The following MROH7 variants were observed in gnomAD, a reference collection of about 807,000 sequenced individuals.
The protein encoded by MROH7 is maestro heat-like repeat-containing protein family member 7.
A neutral mutation model predicts 129.2 loss-of-function variants in MROH7; 113 were observed. The observed-to-expected ratio is 0.87, with a 90% CI of 0.75 to 1.02. The LOEUF (loss-of-function observed/expected upper bound fraction) is 1.02. MROH7 is among the 50% of genes least tolerant of loss of function. The pLI, the probability that MROH7 is intolerant of heterozygous loss-of-function variation, is 0.00. For missense variants in MROH7, 1,601 were observed against 1,671.3 expected (o/e 0.96, Z 0.73); for synonymous variants, 655 against 667.9 (o/e 0.98, Z 0.30).
At chr1:54,692,808 T>C (rs990683748) in intron 16 of MROH7, among the ~76,000 whole-genome samples, 6 of 152,184 alleles carry the variant, frequency 3.9e-5, no homozygotes, top group African/African-American at 1.4e-4. Flanking sequence ...AAAGCACCAT[T>C]CCTTAGTGCA....
At chr1:54,708,402 G>T (rs1347111805) in intron 22 of MROH7, among the ~76,000 whole-genome samples, 1 of 147,354 alleles carries the variant, frequency 6.8e-6, no homozygotes, top group African/African-American at 2.6e-5. Flanking sequence ...ACTCCAGTCT[G>T]GGCAACACTG....
intron 4 of MROH7, among the ~76,000 whole-genome samples, chr1:54,666,425 A>ATTTT (rs71048704): frequency 0.21 from 14,467 of 69,066 alleles, 1,910 homozygotes; most frequent in South Asian, 0.35. Context: ...GAGAAGAGGA[A>ATTTT]TTTTTTTTTT....
chr1:54,656,409 C>G (rs1315997677), intron 3 of MROH7, among the ~76,000 whole-genome samples: 1 of 144,550 alleles, frequency 6.9e-6, no homozygotes, highest in African/African-American at 2.6e-5. Flanking sequence ...ACTTGGGAGG[C>G]TGAGGCAGGA....
chr1:54,661,905 T>G (rs1403381780), intron 3 of MROH7, among the ~76,000 whole-genome samples: 1 of 152,056 alleles, frequency 6.6e-6, no homozygotes, highest in African/African-American at 2.4e-5. Flanking sequence ...CTTAAAAATA[T>G]TTTTTAAATG....
At chr1:54,690,438 G>GT (rs755023511) in intron 15 of MROH7, among the ~76,000 whole-genome samples, 299 of 143,974 alleles carry the variant, frequency 2.1e-3, no homozygotes, top group Middle Eastern at 3.6e-3. Context: ...AAGTTCAGAA[G>GT]TTTTTTTTTT....
chr1:54,677,096 C>T (rs1644993922), intron 10 of MROH7, among the ~76,000 whole-genome samples: 1 of 151,850 alleles, frequency 6.6e-6, no homozygotes, highest in African/African-American at 2.4e-5. Context: ...CTGCCTCGGC[C>T]TCCAAAGTGC....
At chr1:54,654,409 C>T (rs112703407) in intron 3 of MROH7, among the ~76,000 whole-genome samples, 10 of 152,328 alleles carry the variant, frequency 6.6e-5, no homozygotes, top group African/African-American at 1.9e-4. Context: ...CAGTGGCTCA[C>T]GCCTGTAATC....
intron 3 of MROH7, among the ~76,000 whole-genome samples, chr1:54,655,337 G>A (rs1644627322): frequency 6.6e-6 from 1 of 151,694 alleles, no homozygotes; most frequent in African/African-American, 2.4e-5. Flanking sequence ...AAATTGTTCT[G>A]AAAATCAACT....
Position 54,690,048 on chromosome 1 carries a change from TGCA to T in MROH7, c.2712-2374_2712-2372del, listed in dbSNP as rs141308850. ...TCAATCATTGGCTCTGGTGTCCCAG[TGCA>T]GGGACAGAGAATAAATATTTCAAGG... On this transcript the variant is annotated intron_variant, in intron 15 of 23. Coordinates refer to ENST00000421030, the MANE Select transcript of MROH7 (RefSeq NM_001039464.4). Among the ~76,000 whole-genome samples, 1,003 of 152,276 alleles carry T rather than the reference TGCA, an allele frequency of 6.6e-3. 17 individuals carry two copies. Among genetic ancestry groups the T allele is most frequent in the African/African-American group, 0.023 (966 of 41,542 alleles).
intron 7 of MROH7, among the ~76,000 whole-genome samples, chr1:54,672,176 G>A (rs2101111469): frequency 6.6e-6 from 1 of 152,118 alleles, no homozygotes; most frequent in Admixed American, 6.6e-5. Flanking sequence ...AAAAAAGGAG[G>A]CCGCCCTCTT....
At chr1:54,699,241 C>A (rs1273635040) in intron 17 of MROH7, 1 of 144,288 alleles carries the variant, frequency 6.9e-6, no homozygotes, top group East Asian at 2.0e-4. Context: ...TTCCTTCTTT[C>A]CCCTTTCCTT....
chr1:54,706,477 A>G lies in MROH7; in HGVS notation c.3607A>G (p.Ser1203Gly). Residue 1203 changes from serine (S) to glycine (G), a missense_variant, in exon 22 of 24, where the codon AGC (serine) becomes GGC (glycine). Transcript: ENST00000421030. ...CAGCGCCTTCATATTCCTCAGCCAGAGCCTGGAGTATGCCAAGAACTCACG... is the reference window on the plus strand; with the variant it reads ...CAGCGCCTTCATATTCCTCAGCCAGGGCCTGGAGTATGCCAAGAACTCACG... ...RDSAFIFLSQ[S>G]LEYAKNSRAS... 1 of 1,612,872 alleles carries G rather than the reference A, an allele frequency of 6.2e-7. No homozygotes were observed. Among genetic ancestry groups the G allele is most frequent in the Non-Finnish European group, 8.5e-7 (1 of 1,179,854 alleles).
At chr1:54,670,738 C>G (rs948010912) in intron 6 of MROH7, 62 bp from the exon 7 acceptor site, 5 of 1,593,222 alleles carry the variant, frequency 3.1e-6, no homozygotes, top group Non-Finnish European at 4.3e-6. Context: ...CAGCTCAGCC[C>G]CCGTCTATAG....
At position 54,682,793 on chromosome 1, in the gene MROH7, C is replaced by T. The variant is rs772042102; in HGVS notation, c.2519C>T (p.Ala840Val). 23 of 1,610,054 alleles carry T rather than the reference C, an allele frequency of 1.4e-5. No individual in the cohort carries two copies. Among genetic ancestry groups the T allele is most frequent in the South Asian group, 5.5e-5 (5 of 90,842 alleles). The change falls in exon 14 of 24, where the codon GCG (alanine) becomes GTG (valine). Residue 840 changes from alanine to valine, a missense_variant and splice_region_variant. Transcript: ENST00000421030. ...KEGRASIVPL[A>V]AASGLCELLS... ...GGCCGGGCTTCCATCGTGCCCCTGGCGGTGAGCACCCAGTCAGCCAGCCCC... is the reference window on the plus strand; with the variant it reads ...GGCCGGGCTTCCATCGTGCCCCTGGTGGTGAGCACCCAGTCAGCCAGCCCC...
At chr1:54,670,416 TC>T in intron 5 of MROH7, 80 bp from the exon 6 acceptor site, 1 of 1,239,502 alleles carries the variant, frequency 8.1e-7, no homozygotes, top group Middle Eastern at 2.0e-4. Flanking sequence ...TGTGACCTGC[TC>T]CTTGTGACGG....
chr1:54,675,972 G>A (rs1005735771), intron 10 of MROH7, among the ~76,000 whole-genome samples: 4 of 151,414 alleles, frequency 2.6e-5, no homozygotes, highest in Non-Finnish European at 5.9e-5. Context: ...AAGAAAGAAA[G>A]GAAAATGAGT....
In MROH7 at chr1:54,703,333, G is replaced by A. The variant is rs114797293; in HGVS notation, c.3564+588G>A. ...AGATCCCTGCCTCAAGGGCCACACT[G>A]GCTCCTTTTCTACAACATCAATTCC... On this transcript the variant is annotated intron_variant, in intron 21 of 23. Transcript: ENST00000421030. This position sits in a 1 kb window ranked among gnomAD's most constrained non-coding sequence, Gnocchi z 4.4. Among the ~76,000 whole-genome samples, 839 of 152,246 alleles carry A rather than the reference G, an allele frequency of 5.5e-3. 6 individuals carry two copies. Among genetic ancestry groups the A allele is most frequent in the African/African-American group, 0.018 (734 of 41,522 alleles).
chr1:54,646,026 A>G (rs147650065), intron 1 of MROH7, among the ~76,000 whole-genome samples: 3 of 152,320 alleles, frequency 2.0e-5, no homozygotes, highest in Non-Finnish European at 2.9e-5. Flanking sequence ...CCCGGTCTCC[A>G]GTGATATTTA....
At chr1:54,674,515 G>C (rs1221144864) in intron 10 of MROH7, among the ~76,000 whole-genome samples, 1 of 152,148 alleles carries the variant, frequency 6.6e-6, no homozygotes, top group Non-Finnish European at 1.5e-5. Flanking sequence ...TATGAGGGAA[G>C]GGCAGGGCTG....
Sources: allele counts gnomAD v4.1 joint callset (sites outside exome capture counted in the v4.1 genomes callset), GRCh38; gene constraint gnomAD v4.1.1; non-coding constraint Gnocchi (gnomAD v3.1); transcripts MANE v1.5; gene names NCBI Gene and HGNC (gene_info 2026-07-23, HGNC 2026-07-21).